Variants in TYW1 observed in about 807,000 individuals in gnomAD.
TYW1 encodes the protein S-adenosyl-L-methionine-dependent tRNA 4-demethylwyosine synthase TYW1.
TYW1 carries 46 observed loss-of-function variants against 96.2 expected under a neutral mutation model. The observed-to-expected ratio is 0.48, with a 90% CI of 0.38 to 0.61. The LOEUF (loss-of-function observed/expected upper bound fraction) is 0.61, where lower values mean the gene tolerates loss of function less well. Among genes scored for constraint, TYW1 ranks in the 20% least tolerant of loss-of-function variants. The probability of loss-of-function intolerance (pLI) is 0.00; values close to 1 mark genes in which losing one functional copy is unlikely to be tolerated. For missense variants in TYW1, 684 were observed against 909.6 expected (o/e 0.75, Z 3.19); for synonymous variants, 274 against 323.0 (o/e 0.85, Z 1.63).
intron 8 of TYW1, among the ~76,000 whole-genome samples, chr7:67,053,892 A>G: frequency 6.6e-6 from 1 of 152,184 alleles, no homozygotes; most frequent in East Asian, 1.9e-4. Context: ...TCAATCCTGC[A>G]AACTGTAGCC....
At chr7:67,072,755 C>T (rs533844967) in intron 10 of TYW1, among the ~76,000 whole-genome samples, 107 of 151,972 alleles carry the variant, frequency 7.0e-4, no homozygotes, top group African/African-American at 2.5e-3. Flanking sequence ...ATAATAAGGT[C>T]TGTTAAAAAA....
chr7:67,147,171 G>GA (rs1798634117), intron 13 of TYW1, among the ~76,000 whole-genome samples: 1 of 151,798 alleles, frequency 6.6e-6, no homozygotes, highest in Non-Finnish European at 1.5e-5. Flanking sequence ...AAAATATTCA[G>GA]AAAAAAATAA....
intron 8 of TYW1, 135 bp from the exon 9 acceptor site, chr7:67,055,700 A>G (rs1795488638): frequency 5.4e-6 from 3 of 555,116 alleles, no homozygotes; most frequent in Non-Finnish European, 3.3e-6. Flanking sequence ...TAAATCTTTA[A>G]TGTTTCCTGC....
chr7:67,188,847 T>TG (rs1300793741), intron 14 of TYW1, among the ~76,000 whole-genome samples: 1 of 152,200 alleles, frequency 6.6e-6, no homozygotes, highest in Non-Finnish European at 1.5e-5. Context: ...TCCCTGCAGA[T>TG]GCAGACACAA....
chr7:67,231,991 A>G, intron 15 of TYW1, among the ~76,000 whole-genome samples: 1 of 152,124 alleles, frequency 6.6e-6, no homozygotes. Flanking sequence ...GCACTTTGGG[A>G]GGCCTAGGCA....
chr7:67,176,633 T>C (rs1187123673), intron 13 of TYW1, among the ~76,000 whole-genome samples: 1 of 151,382 alleles, frequency 6.6e-6, no homozygotes, highest in African/African-American at 2.4e-5. Context: ...GCTTATAGAT[T>C]CAATGCTATA....
At chr7:67,036,173 T>A (rs1794836991) in intron 7 of TYW1, among the ~76,000 whole-genome samples, 1 of 149,908 alleles carries the variant, frequency 6.7e-6, no homozygotes, top group Non-Finnish European at 1.5e-5. Flanking sequence ...CAGACTGGGC[T>A]CCAGGGAATA....
At chr7:67,163,800 C>G (rs1266783819) in intron 13 of TYW1, among the ~76,000 whole-genome samples, 2 of 151,910 alleles carry the variant, frequency 1.3e-5, no homozygotes, top group African/African-American at 4.8e-5. Context: ...TTCTGAGTAG[C>G]TGAGTTTACA....
intron 13 of TYW1, among the ~76,000 whole-genome samples, chr7:67,125,022 G>A (rs1797871223): frequency 6.6e-6 from 1 of 151,960 alleles, no homozygotes; most frequent in Non-Finnish European, 1.5e-5. Context: ...TAGTAGAGAT[G>A]GGGTTTCACC....
intron 4 of TYW1, among the ~76,000 whole-genome samples, chr7:67,010,659 T>C (rs775824153): frequency 1.2e-4 from 18 of 151,910 alleles, no homozygotes; most frequent in Non-Finnish European, 2.2e-4. Context: ...GTATTTTTAG[T>C]AGAGATGGGG....
intron 11 of TYW1, among the ~76,000 whole-genome samples, chr7:67,097,097 A>G (rs1796944032): frequency 6.6e-6 from 1 of 151,850 alleles, no homozygotes; most frequent in African/African-American, 2.4e-5. Context: ...GGTGTGTGCT[A>G]GTGGCTACTA....
At chr7:67,216,697 T>G (rs1275474768) in intron 15 of TYW1, among the ~76,000 whole-genome samples, 4 of 137,776 alleles carry the variant, frequency 2.9e-5, no homozygotes, top group African/African-American at 1.1e-4. Flanking sequence ...TTCTCTAAGC[T>G]AACATGGGCA....
At chr7:67,019,310 C>T (rs1794147732) in intron 6 of TYW1, among the ~76,000 whole-genome samples, 1 of 152,196 alleles carries the variant, frequency 6.6e-6, no homozygotes, top group South Asian at 2.1e-4. Context: ...CATCTCCTGC[C>T]TCAGCCTCCT....
chr7:67,164,626 G>A (rs28729948), intron 13 of TYW1, among the ~76,000 whole-genome samples: 3 of 146,880 alleles, frequency 2.0e-5, no homozygotes, highest in African/African-American at 2.5e-5. Flanking sequence ...AAAAAAAAAA[G>A]TTACCCCTTG....
chr7:67,204,469 T>A (rs1800704879), intron 15 of TYW1, among the ~76,000 whole-genome samples: 4 of 151,426 alleles, frequency 2.6e-5, no homozygotes, highest in Admixed American at 2.6e-4. Flanking sequence ...CCTTCCTCCC[T>A]CCCTTCCTTC....
chr7:67,210,060 T>C (rs1800947753), intron 15 of TYW1, among the ~76,000 whole-genome samples: 3 of 152,234 alleles, frequency 2.0e-5, no homozygotes, highest in Admixed American at 2.0e-4. Context: ...GTCCACAGTT[T>C]ATTTAGATTT....
At position 67,239,369 on chromosome 7, in the gene TYW1, G is replaced by C. The variant is rs1045156; in HGVS notation, c.*840G>C. On this transcript the variant is annotated 3_prime_UTR_variant, in exon 16 of 16. Coordinates refer to ENST00000359626, the MANE Select transcript of TYW1 (RefSeq NM_018264.4). ...CATCTTCTTTCACTCCTGTGGCCCTGGCTGCTTTACACAATCTGTTCTATA... is the reference window on the plus strand; with the variant it reads ...CATCTTCTTTCACTCCTGTGGCCCTCGCTGCTTTACACAATCTGTTCTATA... The C allele has an allele frequency of 1.5e-5, 15 of 985,040 alleles. No homozygotes were observed. The highest frequency in any genetic ancestry group is 5.2e-5 in the African/African-American group (3 of 57,200). The allele number at this position is 985,040 out of a possible 1,614,324, so 61.0% of individuals were successfully genotyped here.
intron 9 of TYW1, among the ~76,000 whole-genome samples, chr7:67,058,228 C>G (rs1402438057): frequency 1.3e-5 from 2 of 152,236 alleles, no homozygotes; most frequent in African/African-American, 4.8e-5. Flanking sequence ...GCCACTGCGC[C>G]TGGCCTACAG....
intron 13 of TYW1, among the ~76,000 whole-genome samples, chr7:67,125,869 A>G (rs1797898338): frequency 6.6e-6 from 1 of 152,268 alleles, no homozygotes; most frequent in Non-Finnish European, 1.5e-5. Context: ...ATATGCATTT[A>G]AGGTTCCTTT....
Sources: gnomAD v4.1 joint callset for allele counts (sites outside exome capture counted in the v4.1 genomes callset) on GRCh38, gnomAD v4.1.1 for gene constraint, MANE v1.5 for transcripts, NCBI Gene and HGNC (gene_info 2026-07-23, HGNC 2026-07-21) for gene names.